CRACDL: variants seen among roughly 807,000 people sequenced by gnomAD.
The protein encoded by CRACDL is CRACD like, also known as CRACD-like protein.
Under a neutral mutation model 70.6 loss-of-function variants are expected in CRACDL, and 26 were observed. The ratio of observed to expected loss-of-function variants is 0.37; its 90% CI spans 0.27 to 0.51. The LOEUF (loss-of-function observed/expected upper bound fraction) is 0.51, where lower values mean the gene tolerates loss of function less well. Ranked by LOEUF, CRACDL falls within the 20% of genes least tolerant of loss-of-function variation. The pLI is 0.94. For missense variants in CRACDL, 1,283 were observed against 1,376.9 expected, an observed-to-expected ratio of 0.93 and a Z score of 1.08; for synonymous variants, 618 against 615.2, an observed-to-expected ratio of 1.00 and a Z score of -0.07.
chr2:98,891,376 CAAAAAAAAAAAAAAAA>C (rs548988640), intron 1 of CRACDL, among the ~76,000 whole-genome samples: 2 of 37,902 alleles, frequency 5.3e-5, no homozygotes, highest in Non-Finnish European at 5.1e-5. Context: ...GACTCCGTCT[CAAAAAAAAAAAAAAAA>C]AAAAAAAAAA....
chr2:98,895,610 T>C (rs1708099944), intron 1 of CRACDL, among the ~76,000 whole-genome samples: 1 of 152,144 alleles, frequency 6.6e-6, no homozygotes, highest in Admixed American at 6.5e-5. Flanking sequence ...TAGAGGGGGC[T>C]AGATGATTCC....
At chr2:98,860,040 A>G (rs1706876420) in intron 1 of CRACDL, among the ~76,000 whole-genome samples, 1 of 152,356 alleles carries the variant, frequency 6.6e-6, no homozygotes, top group East Asian at 1.9e-4. Flanking sequence ...TTAAGAAAAC[A>G]AACAACTGCA....
At chr2:98,811,698 C>G (rs1704572235) in intron 7 of CRACDL, among the ~76,000 whole-genome samples, 1 of 152,140 alleles carries the variant, frequency 6.6e-6, no homozygotes, top group African/African-American at 2.4e-5. Context: ...TAACCAGACT[C>G]TCCTCCTACT....
chr2:98,849,665 C>T (rs1264584542), intron 1 of CRACDL, among the ~76,000 whole-genome samples: 1 of 151,976 alleles, frequency 6.6e-6, no homozygotes, highest in East Asian at 1.9e-4. Context: ...CACCCCCAGA[C>T]CACCAAGACC....
At position 98,910,672 on chromosome 2, in the gene CRACDL, G is replaced by A. The variant is rs1485508877; in HGVS notation, c.-11+25266C>T. Among the ~76,000 whole-genome samples the A allele has an allele frequency of 3.9e-5, 6 of 152,306 alleles. No individual in the cohort carries two copies. The South Asian group carries it at 6.2e-4, about 16-fold the overall frequency. On this transcript the variant is annotated intron_variant, in intron 1 of 9. Transcript: ENST00000397899. Reference sequence around the variant, plus strand: ...CAAAAGAAGGAGGAGCCTCAAAGCCGAGAGAGTGGGAGTTGGAGTGTTCCC... The same window carrying A: ...CAAAAGAAGGAGGAGCCTCAAAGCCAAGAGAGTGGGAGTTGGAGTGTTCCC...
intron 7 of CRACDL, among the ~76,000 whole-genome samples, chr2:98,802,264 G>A (rs562881212): frequency 4.6e-5 from 7 of 152,236 alleles, no homozygotes; most frequent in African/African-American, 1.4e-4. Flanking sequence ...AGTGTGCACC[G>A]CAGTCCCGCT....
intron 1 of CRACDL, among the ~76,000 whole-genome samples, chr2:98,929,884 C>T (rs1332896595): frequency 1.3e-5 from 2 of 152,098 alleles, no homozygotes; most frequent in Non-Finnish European, 2.9e-5. Flanking sequence ...ACCTAGTATT[C>T]ATGAAGCACC....
At chr2:98,864,700 C>A (rs1272349099) in intron 1 of CRACDL, among the ~76,000 whole-genome samples, 1 of 152,088 alleles carries the variant, frequency 6.6e-6, no homozygotes, top group Non-Finnish European at 1.5e-5. Context: ...GCAGCCACCA[C>A]CATGCCTGGC....
chr2:98,921,352 A>G (rs62156556), intron 1 of CRACDL, among the ~76,000 whole-genome samples: 5,977 of 152,294 alleles, frequency 0.039, 154 homozygotes, highest in Non-Finnish European at 0.057. Context: ...GCGCACCTCC[A>G]TCTCCCTGGC....
chr2:98,852,994 AGGAGAGGG>A (rs1706542114), intron 1 of CRACDL, among the ~76,000 whole-genome samples: 1 of 81,798 alleles, frequency 1.2e-5, no homozygotes, highest in African/African-American at 5.0e-5. Flanking sequence ...AGAGAGAGGG[AGGAGAGGG>A]GAGGGGAGGG....
chr2:98,882,538 G>A (rs559977061), intron 1 of CRACDL, among the ~76,000 whole-genome samples: 54 of 152,312 alleles, frequency 3.5e-4, no homozygotes, highest in African/African-American at 1.3e-3. Flanking sequence ...ACAATGAAGA[G>A]AGGAAAAGCA....
chr2:98,796,385 C>T (rs933320975), intron 8 of CRACDL, 121 bp from the exon 9 acceptor site: 27 of 967,510 alleles, frequency 2.8e-5, no homozygotes, highest in Admixed American at 4.4e-5. Flanking sequence ...GGCACTTTCT[C>T]GGGAGGGCGC....
intron 5 of CRACDL, among the ~76,000 whole-genome samples, chr2:98,827,892 G>A (rs999219292): frequency 3.3e-5 from 5 of 152,210 alleles, no homozygotes; most frequent in South Asian, 2.1e-4. Context: ...AGGCTGGGGC[G>A]CAGGAAGTGC....
At chr2:98,906,191 C>T (rs1301122529) in intron 1 of CRACDL, among the ~76,000 whole-genome samples, 1 of 151,810 alleles carries the variant, frequency 6.6e-6, no homozygotes, top group Non-Finnish European at 1.5e-5. Context: ...AGCTCACTGA[C>T]ATTTTCTTCT....
intron 1 of CRACDL, chr2:98,869,026 TC>T: frequency 8.3e-7 from 1 of 1,200,618 alleles, no homozygotes; most frequent in Non-Finnish European, 1.1e-6. Context: ...CGGCCTGGCC[TC>T]CCCTCCCTCG....
At chr2:98,802,305 A>G (rs1017913970) in intron 7 of CRACDL, among the ~76,000 whole-genome samples, 49 of 152,238 alleles carry the variant, frequency 3.2e-4, no homozygotes, top group Admixed American at 2.9e-3. Context: ...CTCCATGCAC[A>G]CGCTGTGTGT....
chr2:98,919,312 T>C (rs1708741944), intron 1 of CRACDL, among the ~76,000 whole-genome samples: 1 of 152,226 alleles, frequency 6.6e-6, no homozygotes, highest in Non-Finnish European at 1.5e-5. Flanking sequence ...CTCTTCGGAT[T>C]CTTTTTAGGT....
intron 5 of CRACDL, among the ~76,000 whole-genome samples, chr2:98,827,495 T>C (rs1559219323): frequency 6.6e-6 from 1 of 152,308 alleles, no homozygotes; most frequent in East Asian, 1.9e-4. Flanking sequence ...TTTCACCATG[T>C]TGGCCAGGCT....
In CRACDL at chr2:98,850,427, C is replaced by T. The variant is rs562476979; in HGVS notation, c.-10-3617G>A. 4.6e-4 allele frequency among the ~76,000 whole-genome samples: 70 copies of T among 152,340 alleles called. No homozygotes were observed. In the Middle Eastern group the frequency reaches 0.01, roughly 22 times the overall value. The stretch of plus-strand genomic sequence containing the variant: ...CAAGCCGCAGTAAAGTTCAAGGAAA[C>T]GCCAGATGTAAAACCGTAATTAGAA... On this transcript the variant is annotated intron_variant, in intron 1 of 9. Transcript: ENST00000397899.
Sources: allele counts gnomAD v4.1 joint callset (sites outside exome capture counted in the v4.1 genomes callset), GRCh38; gene constraint gnomAD v4.1.1; transcripts MANE v1.5; gene names NCBI Gene and HGNC (gene_info 2026-07-23, HGNC 2026-07-21).